The following SRMS variants were observed in gnomAD, a reference collection of about 807,000 sequenced individuals.
SRMS encodes the protein tyrosine-protein kinase Srms.
SRMS carries 42 observed loss-of-function variants against 43.5 expected under a neutral mutation model. The ratio of observed to expected loss-of-function variants is 0.97; its 90% CI spans 0.75 to 1.25. The LOEUF (loss-of-function observed/expected upper bound fraction) is 1.25. SRMS is among the 50% of genes most tolerant of loss of function. The pLI is 0.00. For missense variants in SRMS, 703 were observed against 681.0 expected, an observed-to-expected ratio of 1.03 and a Z score of -0.36; for synonymous variants, 316 against 308.2, an observed-to-expected ratio of 1.03 and a Z score of -0.27.
chr20:63,542,843 G>A (rs1257152121), intron 3 of SRMS, among the ~76,000 whole-genome samples: 3 of 152,182 alleles, frequency 2.0e-5, no homozygotes, highest in African/African-American at 4.8e-5. Context: ...CCCTGGCCGC[G>A]CTGTCATTAT....
At chr20:63,543,985 GAATT>G (rs1281758259) in intron 2 of SRMS, among the ~76,000 whole-genome samples, 2 of 106,766 alleles carry the variant, frequency 1.9e-5, no homozygotes, top group Non-Finnish European at 3.7e-5. Flanking sequence ...ATGAATGAGT[GAATT>G]AGTGAGGAAT....
chr20:63,541,805 A>C (rs887611472), intron 5 of SRMS, among the ~76,000 whole-genome samples, 185 bp from the exon 6 acceptor site: 3 of 152,176 alleles, frequency 2.0e-5, no homozygotes, highest in Admixed American at 6.5e-5. Flanking sequence ...TACTCACCAC[A>C]GTGACCCGGC....
intron 1 of SRMS, among the ~76,000 whole-genome samples, chr20:63,546,595 C>G (rs1456980157): frequency 6.6e-6 from 1 of 151,468 alleles, no homozygotes; most frequent in African/African-American, 2.4e-5. Context: ...GCCCCCAGCC[C>G]CTGCTCACCT....
rs1052554697 is a variant in SRMS, at chr20:63,543,680, G to C, written c.479-200C>G. 5.0e-6 allele frequency: 3 copies of C among 600,312 alleles called. No homozygotes were observed. In the African/African-American group the frequency reaches 5.5e-5, roughly 11 times the overall value. The allele number at this position is 600,312 out of a possible 1,614,324, so 37.2% of individuals were successfully genotyped here. A position where few individuals can be genotyped will look rare whatever the true frequency, so the allele number is the denominator to read the frequency against. The stretch of plus-strand genomic sequence containing the variant: ...GGGGCAGCGAGAGCGGCCCAGGTTG[G>C]AGCTTTTCTGCTGACGGTGTGCACA... On this transcript the variant is annotated intron_variant, in intron 2 of 7. Coordinates refer to ENST00000217188, the MANE Select transcript of SRMS (RefSeq NM_080823.4).
intron 2 of SRMS, 37 bp from the exon 3 acceptor site, chr20:63,543,517 C>G: frequency 6.2e-7 from 1 of 1,601,742 alleles, no homozygotes; most frequent in Non-Finnish European, 8.5e-7. Context: ...CCTGCCTTGG[C>G]TGCCAGCTGC....
At position 63,547,591 on chromosome 20, in the gene SRMS, G is replaced by A. The variant is rs191145859; in HGVS notation, c.-128C>T. 185 of 861,422 alleles carry A rather than the reference G, an allele frequency of 2.1e-4. No individual in the cohort carries two copies. In the East Asian group the frequency reaches 4.5e-3, roughly 21 times the overall value. 53.4% of individuals were successfully genotyped at this position (861,422 alleles called of 1,614,324 possible). ...TGGCCGTGGGGTGACAGGGGACCCC[G>A]GCCCTGCGGTCACTCAGAGGTCCCC... On this transcript the variant is annotated 5_prime_UTR_variant, in exon 1 of 8. Transcript: ENST00000217188.
chr20:63,546,726 A>G (rs1415576960), intron 1 of SRMS, among the ~76,000 whole-genome samples: 2 of 149,952 alleles, frequency 1.3e-5, no homozygotes, highest in East Asian at 3.9e-4. Flanking sequence ...CCCAGCCCCC[A>G]GCCCCTGCCC....
Position 63,547,375 on chromosome 20 carries a change from G to A in SRMS, c.89C>T (p.Thr30Ile), listed in dbSNP as rs542622391. Residue 30 changes from threonine (T) to isoleucine (I), a missense_variant, in exon 1 of 8, where the codon ACC becomes ATC. Physicochemically the swap from Thr to Ile is moderately conservative, Grantham distance 89. Transcript: ENST00000217188. Reference sequence around the variant, plus strand: ...AGTGTTGGGGTCCAGGGACCCGGGGGTGCCATGGTCCGGCTCGCCGCCCGC... The same window carrying A: ...AGTGTTGGGGTCCAGGGACCCGGGGATGCCATGGTCCGGCTCGCCGCCCGC... ...WPAGGEPDHG[T>I]PGSLDPNTDP... 3.2e-5 allele frequency: 51 copies of A among 1,574,454 alleles called. No individual in the cohort carries two copies. In the South Asian group the frequency reaches 4.2e-4, roughly 13 times the overall value.
chr20:63,543,153 G>A (rs2082713240), intron 3 of SRMS, among the ~76,000 whole-genome samples, 161 bp downstream of exon 3: 1 of 152,226 alleles, frequency 6.6e-6, no homozygotes. Context: ...AGCAGAATGT[G>A]CTGGAACCGC....
rs2145981440 is a variant in SRMS at position 63,539,831 on chromosome 20, A to T, written c.*987T>A. Among the ~76,000 whole-genome samples the T allele has an allele frequency of 6.6e-6, 1 of 152,088 alleles. No homozygotes were observed. The highest frequency in any genetic ancestry group is 1.9e-4 in the East Asian group (1 of 5,164). ...GACCCTGCACAGGCAGAAGACTCCA[A>T]ATCCCCCACGGCCCACCCTGAGGCC... On this transcript the variant is annotated 3_prime_UTR_variant, in exon 8 of 8. Coordinates refer to ENST00000217188, the MANE Select transcript of SRMS (RefSeq NM_080823.4).
chr20:63,547,173 G>T lies in SRMS; in HGVS notation c.291C>A (p.Pro97=). The stretch of plus-strand genomic sequence containing the variant: ...GGGTGATGGGCACGAGCCCGGCGCT[G>T]GGCTGGCCCGAAAGCCTGCGTGCGA... ...YIFARRLSGQ[P]SAGLVPITHV... The change falls in exon 1 of 8, where the codon CCC becomes CCA. Residue 97 remains proline, a synonymous_variant. Coordinates refer to ENST00000217188, the MANE Select transcript of SRMS (RefSeq NM_080823.4). 6.2e-7 allele frequency: 1 copy of T among 1,611,852 alleles called. No homozygotes were observed. The highest frequency in any genetic ancestry group is 8.5e-7 in the Non-Finnish European group (1 of 1,179,462).
At chr20:63,543,576 C>T (rs1313487711) in intron 2 of SRMS, 96 bp from the exon 3 acceptor site, 4 of 1,416,280 alleles carry the variant, frequency 2.8e-6, no homozygotes, top group Non-Finnish European at 3.8e-6. Context: ...ACTAAGGGGT[C>T]TGGCTCAGAC....
Position 63,540,930 on chromosome 20 carries a change from G to C in SRMS, c.1355C>G (p.Pro452Arg). The C allele has an allele frequency of 1.2e-6, 2 of 1,606,916 alleles. No homozygotes were observed. The highest frequency in any genetic ancestry group is 1.7e-6 in the Non-Finnish European group (2 of 1,179,480). The change falls in exon 8 of 8, where the codon CCG becomes CGG. Residue 452 changes from proline (P) to arginine (R), a missense_variant. Pro to Arg is a moderately radical substitution (Grantham distance 103). Transcript: ENST00000217188. ...CAGCATGAGCACGTAGACCTCCGCC[G>C]GGCAGGCAGCCGGGCGCGGCAGCCG... is the stretch of plus-strand genomic sequence containing the variant. ...GYRLPRPAAC[P>R]AEVYVLMLEC... is the part of the protein sequence containing the mutation.
intron 2 of SRMS, 121 bp downstream of exon 2, chr20:63,544,106 T>C: frequency 1.6e-6 from 2 of 1,218,836 alleles, no homozygotes; most frequent in Non-Finnish European, 2.1e-6. Context: ...ATATCTGCTG[T>C]TGGGCCCTCA....
chr20:63,546,876 C>G (rs1021741578), intron 1 of SRMS, among the ~76,000 whole-genome samples: 6 of 152,222 alleles, frequency 3.9e-5, no homozygotes, highest in African/African-American at 1.4e-4. Flanking sequence ...AGGACCTGAC[C>G]ACGCCTGCCG....
rs2082714501 is a variant in SRMS at position 63,543,378 on chromosome 20, A to T, written c.581T>A (p.Leu194His). The T allele has an allele frequency of 6.2e-7, 1 of 1,612,802 alleles. No individual in the cohort carries two copies. ...GRLFPGLEEL[L>H]TYYKANWKLI... is the part of the protein sequence containing the mutation. ...CTTCCAGTTGGCCTTGTAGTAGGTG[A>T]GCAGCTCCTCCAGGCCGGGAAAGAG... Residue 194 changes from leucine (L) to histidine (H), a missense_variant, in exon 3 of 8, where the codon CTC becomes CAC. Leu to His is a moderately conservative substitution (Grantham distance 99). Coordinates refer to ENST00000217188, the MANE Select transcript of SRMS (RefSeq NM_080823.4).
Position 63,540,934 on chromosome 20 carries a change from A to AGGCAGCCGGGCGC in SRMS, c.1338_1350dup (p.Cys451AlafsTer103), listed in dbSNP as rs1569016571. 1.2e-6 allele frequency: 2 copies of AGGCAGCCGGGCGC among 1,607,078 alleles called. No individual in the cohort carries two copies. Among genetic ancestry groups the AGGCAGCCGGGCGC allele is most frequent in the African/African-American group, 1.3e-5 (1 of 75,004 alleles). On this transcript the variant is annotated frameshift_variant, in exon 8 of 8. Transcript: ENST00000217188. LOFTEE classifies it low-confidence loss of function (END_TRUNC). ...ATGAGCACGTAGACCTCCGCCGGGC[A>AGGCAGCCGGGCGC]GGCAGCCGGGCGCGGCAGCCGGTAC...
rs983512741 is a variant in SRMS at position 63,539,662 on chromosome 20, G to T, written c.*1156C>A. On this transcript the variant is annotated 3_prime_UTR_variant, in exon 8 of 8. Coordinates refer to ENST00000217188, the MANE Select transcript of SRMS (RefSeq NM_080823.4). ...GAGCAGAAGCTTCCCTGAGCCAGAC[G>T]TGGGGAGACGAGGGCGGACCCTGCA... Among the ~76,000 whole-genome samples, 1 of 152,162 alleles carries T rather than the reference G, an allele frequency of 6.6e-6. No homozygotes were observed. The highest frequency in any genetic ancestry group is 6.5e-5 in the Admixed American group (1 of 15,272).
rs886772543 is a variant in SRMS, at chr20:63,538,939, G to T, written c.*1879C>A. ...GAGCACCAAACCTGTTCAGCTGGTG[G>T]CTGGCGAGATGCCTAGGAGGGCACA... is the stretch of plus-strand genomic sequence containing the variant. On this transcript the variant is annotated 3_prime_UTR_variant, in exon 8 of 8. Coordinates refer to ENST00000217188, the MANE Select transcript of SRMS (RefSeq NM_080823.4). Among the ~76,000 whole-genome samples, 3 of 152,154 alleles carry T rather than the reference G, an allele frequency of 2.0e-5. No individual in the cohort carries two copies. The highest frequency in any genetic ancestry group is 2.1e-4 in the South Asian group (1 of 4,828).
Sources: allele counts gnomAD v4.1 joint callset (sites outside exome capture counted in the v4.1 genomes callset), GRCh38; gene constraint gnomAD v4.1.1; transcripts MANE v1.5; gene names NCBI Gene and HGNC (gene_info 2026-07-23, HGNC 2026-07-21).